MCAM: variants seen among roughly 807,000 people sequenced by gnomAD.
MCAM encodes melanoma cell adhesion molecule, also known as cell surface glycoprotein MUC18.
MCAM carries 55 observed loss-of-function variants against 79.1 expected under a neutral mutation model. That is an observed-to-expected ratio of 0.70 (90% CI 0.56 to 0.87). The LOEUF is 0.87. MCAM is among the 40% of genes least tolerant of loss of function. The pLI is 0.00. For synonymous variants in MCAM, 330 were observed against 339.8 expected (o/e 0.97, Z 0.32); for missense variants, 745 against 839.8 (o/e 0.89, Z 1.40).
Position 119,314,958 on chromosome 11 carries a change from A to T in MCAM, c.275T>A (p.Leu92His). 6.2e-7 allele frequency: 1 copy of T among 1,612,436 alleles called. No individual in the cohort carries two copies. The highest frequency in any genetic ancestry group is 1.3e-5 in the African/African-American group (1 of 75,040). The change falls in exon 3 of 16, where the codon CTC becomes CAC. Residue 92 changes from leucine to histidine, a missense_variant. By Grantham distance (99) the Leu-to-His change is moderately conservative (BLOSUM62 -3). Transcript: ENST00000264036. ...QSEPGEYEQR[L>H]SLQDRGATLA... Reference sequence around the variant, plus strand: ...AGTAGCCCCTCTGTCCTGGAGGCTGAGCCGCTGCTCGTACTCCCCAGGTTC... The same window carrying T: ...AGTAGCCCCTCTGTCCTGGAGGCTGTGCCGCTGCTCGTACTCCCCAGGTTC...
In MCAM at chr11:119,310,387, GC is replaced by G; in HGVS notation, c.1872del (p.Gln625ArgfsTer20). The G allele has an allele frequency of 6.2e-7, 1 of 1,614,018 alleles. No individual in the cohort carries two copies. The highest frequency in any genetic ancestry group is 8.5e-7 in the Non-Finnish European group (1 of 1,179,956). On this transcript the variant is annotated frameshift_variant, in exon 15 of 16. Transcript: ENST00000264036. LOFTEE classifies it high-confidence loss of function. ...SDKLPEEMGL[L>X]QGSSGDKRAP... The stretch of plus-strand genomic sequence containing the variant: ...GCCCTCTTGTCACCGCTGCTGCCCT[GC>G]AGGAGGCCCATCTCTTCTGGGAGCT...
rs781087023 is a variant in MCAM, at chr11:119,310,916, G to A, written c.1646-13C>T. 1.2e-6 allele frequency: 2 copies of A among 1,614,108 alleles called. No homozygotes were observed. The highest frequency in any genetic ancestry group is 1.3e-5 in the African/African-American group (1 of 75,042). The stretch of plus-strand genomic sequence containing the variant: ...GGCAGCTTTCTCTCTGCGCCACAAA[G>A]ACACTCCTCGTCACTCCCTGCCCCA... On this transcript the variant is annotated splice_polypyrimidine_tract_variant and intron_variant, in intron 13 of 15. Coordinates refer to ENST00000264036, the MANE Select transcript of MCAM (RefSeq NM_006500.3).
At chr11:119,310,169 C>T (rs1197892390) in intron 15 of MCAM, 180 bp downstream of exon 15, 1 of 636,532 alleles carries the variant, frequency 1.6e-6, no homozygotes, top group African/African-American at 1.8e-5. Flanking sequence ...CTCAGTCTTC[C>T]TCCAAGCTCC....
chr11:119,311,329 C>T lies in MCAM; in HGVS notation c.1500G>A (p.Thr500=), dbSNP rs1314025534. 6 of 1,614,066 alleles carry T rather than the reference C, an allele frequency of 3.7e-6. No homozygotes were observed. Among genetic ancestry groups the T allele is most frequent in the Admixed American group, 1.7e-5 (1 of 60,006 alleles). Residue 500 remains threonine, a synonymous_variant, in exon 12 of 16, where the codon ACG becomes ACA. Transcript: ENST00000264036. The surrounding 1 kb of genome is among the most constrained non-coding windows in gnomAD (Gnocchi z 4.4). The part of the protein sequence containing the change: ...PELLETGVEC[T]ASNDLGKNTS... ...TGTTTTTGCCCAGGTCGTTGGAGGC[C>T]GTGCATTCAACACCTGTCTCCAACA... is the stretch of plus-strand genomic sequence containing the variant.
rs141351877 is a variant in MCAM, at chr11:119,310,885, G to C, written c.1664C>G (p.Pro555Arg). The change falls in exon 14 of 16, where the codon CCG becomes CGG. Residue 555 changes from proline (P) to arginine (R), a missense_variant. By Grantham distance (103) the Pro-to-Arg change is moderately radical. Transcript: ENST00000264036. ...CACGATGACCACGCCCCGGCTCTCCGGCTCCGGCAGCTTTCTCTCTGCGCC... is the reference window on the plus strand; with the variant it reads ...CACGATGACCACGCCCCGGCTCTCCCGCTCCGGCAGCTTTCTCTCTGCGCC... ...STSTERKLPE[P>R]ESRGVVIVAV... The C allele has an allele frequency of 3.1e-6, 5 of 1,614,022 alleles. No homozygotes were observed. Among genetic ancestry groups the C allele is most frequent in the Non-Finnish European group, 4.2e-6 (5 of 1,180,026 alleles).
Position 119,312,491 on chromosome 11 carries a change from G to A in MCAM, c.861+36C>T, listed in dbSNP as rs1291441130. On this transcript the variant is annotated intron_variant, in intron 7 of 15. Coordinates refer to ENST00000264036, the MANE Select transcript of MCAM (RefSeq NM_006500.3). This position sits in a 1 kb window ranked among gnomAD's most constrained non-coding sequence, Gnocchi z 4.9. ...CGCCACTCCACCTGGGTCTCTGCTT[G>A]CATCCCCACCTGCACCCAGCACAAA... 1 of 1,613,796 alleles carries A rather than the reference G, an allele frequency of 6.2e-7. No homozygotes were observed. Among genetic ancestry groups the A allele is most frequent in the East Asian group, 2.2e-5 (1 of 44,876 alleles).
At position 119,311,371 on chromosome 11, in the gene MCAM, G is replaced by A; in HGVS notation, c.1458C>T (p.Val486=). 1 of 1,614,218 alleles carries A rather than the reference G, an allele frequency of 6.2e-7. No homozygotes were observed. Among genetic ancestry groups the A allele is most frequent in the South Asian group, 1.1e-5 (1 of 91,080 alleles). The change falls in exon 12 of 16, where the codon GTC becomes GTT. Residue 486 remains valine (V), a synonymous_variant. Transcript: ENST00000264036. The surrounding 1 kb of genome is among the most constrained non-coding windows in gnomAD (Gnocchi z 4.4). ...TCTCCAACAGCTCCGGGGTCACGAGGACATTCAGGGTGCTCAGGACTCGCT... is the reference window on the plus strand; with the variant it reads ...TCTCCAACAGCTCCGGGGTCACGAGAACATTCAGGGTGCTCAGGACTCGCT... ...DPQRVLSTLN[V]LVTPELLETG...
intron 14 of MCAM, 75 bp from the exon 15 acceptor site, chr11:119,310,541 G>A (rs1325669047): frequency 8.7e-7 from 1 of 1,146,536 alleles, no homozygotes; most frequent in Non-Finnish European, 1.3e-6. Flanking sequence ...TGAAGGATGT[G>A]GAATGGATGA....
At chr11:119,313,286 C>T (rs761804046) in intron 5 of MCAM, 149 of 1,344,436 alleles carry the variant, frequency 1.1e-4, no homozygotes, top group Admixed American at 2.0e-4. Context: ...GTAAGCAAAA[C>T]GATCAGTTGA....
In MCAM at chr11:119,311,193, G is replaced by A. The variant is rs371497205; in HGVS notation, c.1550-8C>T. ...TGAGGGTGGTTAAATTGACTAGGAG[G>A]CAGAGGGAGGGGTGTTAGGAGAAGC... On this transcript the variant is annotated splice_polypyrimidine_tract_variant and splice_region_variant and intron_variant, in intron 12 of 15. Transcript: ENST00000264036. This position sits in a 1 kb window ranked among gnomAD's most constrained non-coding sequence, Gnocchi z 4.4. 3.7e-6 allele frequency: 6 copies of A among 1,613,812 alleles called. No homozygotes were observed. The highest frequency in any genetic ancestry group is 2.7e-5 in the African/African-American group (2 of 74,926).
chr11:119,314,013 GGA>G, intron 5 of MCAM: 2 of 982,804 alleles, frequency 2.0e-6, no homozygotes, highest in Non-Finnish European at 2.4e-6. Context: ...ATTATTTCTG[GGA>G]GGGGGGGTCT....
Position 119,311,710 on chromosome 11 carries a change from A to C in MCAM, c.1286-59T>G. 1 of 1,611,580 alleles carries C rather than the reference A, an allele frequency of 6.2e-7. No individual in the cohort carries two copies. The highest frequency in any genetic ancestry group is 8.5e-7 in the Non-Finnish European group (1 of 1,178,434). ...CCAGCTAGCCTGCCTCCCCCTCCGCACCAGAGCTCCCCAGGGCAGCAGGTG... is the reference window on the plus strand; with the variant it reads ...CCAGCTAGCCTGCCTCCCCCTCCGCCCCAGAGCTCCCCAGGGCAGCAGGTG... On this transcript the variant is annotated intron_variant, in intron 10 of 15. Transcript: ENST00000264036. This position sits in a 1 kb window ranked among gnomAD's most constrained non-coding sequence, Gnocchi z 4.4.
chr11:119,312,411 C>T lies in MCAM; in HGVS notation c.879G>A (p.Glu293=), dbSNP rs1174843079. The T allele has an allele frequency of 1.9e-6, 3 of 1,614,056 alleles. No individual in the cohort carries two copies. Among genetic ancestry groups the T allele is most frequent in the Middle Eastern group, 1.6e-4 (1 of 6,062 alleles). The stretch of plus-strand genomic sequence containing the variant: ...TGTCGTTGGTTGTCTCTTCCTCTGC[C>T]TCCCTGGTGCTGGGGTTCTAGGGAG... The part of the protein sequence containing the change: ...SISKQNPSTR[E]AEEETTNDNG... The change falls in exon 8 of 16, where the codon GAG becomes GAA. Residue 293 remains glutamate (E), a synonymous_variant. Coordinates refer to ENST00000264036, the MANE Select transcript of MCAM (RefSeq NM_006500.3). The surrounding 1 kb of genome is among the most constrained non-coding windows in gnomAD (Gnocchi z 4.9).
rs1354164637 is a variant in MCAM, at chr11:119,309,250, C to G, written c.*636G>C. On this transcript the variant is annotated 3_prime_UTR_variant, in exon 16 of 16. Transcript: ENST00000264036. ...CCTCCCAAAGTGCTGGGATTACAGG[C>G]GTGAGCCACCACACCTGGCCCCGGC... 1 of 152,972 alleles carries G rather than the reference C, an allele frequency of 6.5e-6. No homozygotes were observed. Among genetic ancestry groups the G allele is most frequent in the South Asian group, 2.1e-4 (1 of 4,858 alleles). The allele number at this position is 152,972 out of a possible 1,614,324, so 9.5% of individuals were successfully genotyped here.
Position 119,311,693 on chromosome 11 carries a change from C to A in MCAM, c.1286-42G>T. The A allele has an allele frequency of 6.2e-7, 1 of 1,612,540 alleles. No homozygotes were observed. Among genetic ancestry groups the A allele is most frequent in the East Asian group, 2.2e-5 (1 of 44,830 alleles). On this transcript the variant is annotated intron_variant, in intron 10 of 15. Coordinates refer to ENST00000264036, the MANE Select transcript of MCAM (RefSeq NM_006500.3). The surrounding 1 kb of genome is among the most constrained non-coding windows in gnomAD (Gnocchi z 4.4). ...GAGGTGAGGTGGCAAGCCCAGCTAG[C>A]CTGCCTCCCCCTCCGCACCAGAGCT...
Position 119,312,334 on chromosome 11 carries a change from T to A in MCAM, c.956A>T (p.Glu319Val). Residue 319 changes from glutamate to valine, a missense_variant, in exon 8 of 16, where the codon GAA (glutamate) becomes GTA (valine). Coordinates refer to ENST00000264036, the MANE Select transcript of MCAM (RefSeq NM_006500.3). The surrounding 1 kb of genome is among the most constrained non-coding windows in gnomAD (Gnocchi z 4.9). The part of the protein sequence containing the change: ...PARKEHSGRY[E>V]CQGLDLDTMI... The stretch of plus-strand genomic sequence containing the variant: ...GGTGTCCAAGTCCAGGCCCTGACAT[T>A]CATAGCGCCCACTGTGTTCCTTCCG... 6.2e-7 allele frequency: 1 copy of A among 1,614,016 alleles called. No homozygotes were observed. Among genetic ancestry groups the A allele is most frequent in the Non-Finnish European group, 8.5e-7 (1 of 1,180,000 alleles).
rs1950288886 is a variant in MCAM, at chr11:119,314,917, CT to C, written c.315del (p.Val106SerfsTer45). 1.9e-6 allele frequency: 3 copies of C among 1,613,238 alleles called. No homozygotes were observed. Among genetic ancestry groups the C allele is most frequent in the Non-Finnish European group, 2.5e-6 (3 of 1,180,024 alleles). ...QDRGATLALT[Q>X]VTPQDERIFL... is the part of the protein sequence containing the mutation. ...AAGATGCGCTCGTCTTGGGGGGTGACTTGAGTCAGGGCCAGAGTAGCCCCTC... is the reference window on the plus strand; with the variant it reads ...AAGATGCGCTCGTCTTGGGGGGTGACTGAGTCAGGGCCAGAGTAGCCCCTC... On this transcript the variant is annotated frameshift_variant, in exon 3 of 16. Coordinates refer to ENST00000264036, the MANE Select transcript of MCAM (RefSeq NM_006500.3). LOFTEE classifies it high-confidence loss of function.
rs1565281292 is a variant in MCAM at position 119,312,766 on chromosome 11, TCA to T, written c.739+2_739+3del. On this transcript the variant is annotated splice_donor_variant and splice_donor_region_variant and intron_variant, in intron 6 of 15. Transcript: ENST00000264036. LOFTEE classifies it high-confidence loss of function. This position sits in a 1 kb window ranked among gnomAD's most constrained non-coding sequence, Gnocchi z 4.9. ...AGTAAGCAGAGAGTCAGGTTAGTACTCACAGAAAACAGGGACGGTGACTTCCC... is the reference window on the plus strand; with the variant it reads ...AGTAAGCAGAGAGTCAGGTTAGTACTCAGAAAACAGGGACGGTGACTTCCC... The T allele has an allele frequency of 1.2e-6, 2 of 1,613,960 alleles. No homozygotes were observed. The highest frequency in any genetic ancestry group is 8.5e-7 in the Non-Finnish European group (1 of 1,179,900).
intron 15 of MCAM, 95 bp downstream of exon 15, chr11:119,310,254 A>G: frequency 1.1e-6 from 1 of 875,382 alleles, no homozygotes; most frequent in Non-Finnish European, 1.9e-6. Flanking sequence ...CCTATCTCTG[A>G]CAAAGAGGGA....
Sources: gnomAD v4.1 joint callset for allele counts on GRCh38, gnomAD v4.1.1 for gene constraint, Gnocchi (gnomAD v3.1) non-coding constraint, MANE v1.5 for transcripts, NCBI Gene and HGNC (gene_info 2026-07-23, HGNC 2026-07-21) for gene names.